The following RANBP2 variants were observed in gnomAD, a reference collection of about 807,000 sequenced individuals.
RANBP2 encodes RAN binding protein 2, also known as E3 SUMO-protein ligase RanBP2.
In RANBP2, 57 loss-of-function variants were observed where a neutral mutation model predicts 303.6. The ratio of observed to expected loss-of-function variants is 0.19; its 90% CI spans 0.15 to 0.23. RANBP2 has a LOEUF of 0.23. RANBP2 is among the 10% of genes least tolerant of loss of function. The probability of loss-of-function intolerance (pLI) is 1.00; values close to 1 mark genes in which losing one functional copy is unlikely to be tolerated. For synonymous variants in RANBP2, 1,167 were observed against 1,301.5 expected, an observed-to-expected ratio of 0.90 and a Z score of 2.23; for missense variants, 3,138 against 3,780.8, an observed-to-expected ratio of 0.83 and a Z score of 4.46.
At chr2:108,873,238 G>T in the RANBP2 span, among the ~76,000 whole-genome samples, 72 of 151,982 alleles carry the variant, frequency 4.7e-4, no homozygotes, top group Non-Finnish European at 4.4e-5. Context: ...TTAATATTAG[G>T]GTAAATAATC....
chr2:109,537,920 C>T, the RANBP2 span, among the ~76,000 whole-genome samples: 7 of 152,196 alleles, frequency 4.6e-5, no homozygotes, highest in African/African-American at 1.7e-4. Context: ...TGCACTCTAG[C>T]TCAGGCAAAA....
the RANBP2 span, among the ~76,000 whole-genome samples, chr2:109,485,916 A>T: frequency 6.6e-6 from 1 of 152,216 alleles, no homozygotes; most frequent in African/African-American, 2.4e-5. Context: ...TCTCCTACAC[A>T]CCTACCAGCA....
chr2:109,338,341 A>T, the RANBP2 span, among the ~76,000 whole-genome samples: 1 of 152,160 alleles, frequency 6.6e-6, no homozygotes, highest in East Asian at 1.9e-4. Context: ...AAGAAGCTTC[A>T]TGGCCACCCT....
the RANBP2 span, among the ~76,000 whole-genome samples, chr2:109,570,881 G>A: frequency 6.6e-6 from 1 of 152,176 alleles, no homozygotes; most frequent in Non-Finnish European, 1.5e-5. Context: ...AAGGATACAA[G>A]TAGGTTATAT....
chr2:109,376,806 T>C, the RANBP2 span, among the ~76,000 whole-genome samples: 1 of 152,218 alleles, frequency 6.6e-6, no homozygotes, highest in East Asian at 1.9e-4. Flanking sequence ...CCAAGGATCC[T>C]TAGAGACAGC....
At chr2:109,380,139 G>C in the RANBP2 span, among the ~76,000 whole-genome samples, 5 of 152,290 alleles carry the variant, frequency 3.3e-5, no homozygotes, top group South Asian at 6.2e-4. Flanking sequence ...CACATACATG[G>C]GTGTTCATTG....
At chr2:108,794,602 G>T in the RANBP2 span, 2 of 1,614,050 alleles carry the variant, frequency 1.2e-6, no homozygotes, top group Non-Finnish European at 1.7e-6. Flanking sequence ...TGATGCAGGT[G>T]ACTCTCCTTT....
chr2:109,010,079 GT>G, the RANBP2 span, among the ~76,000 whole-genome samples: 1 of 151,980 alleles, frequency 6.6e-6, no homozygotes, highest in Non-Finnish European at 1.5e-5. Context: ...GGATACTTCC[GT>G]TAAAAAAAAT....
chr2:109,087,404 C>T, the RANBP2 span, among the ~76,000 whole-genome samples: 74 of 152,282 alleles, frequency 4.9e-4, no homozygotes, highest in South Asian at 1.5e-3. Flanking sequence ...GATGTAGCAA[C>T]GGACGCGCCT....
the RANBP2 span, among the ~76,000 whole-genome samples, chr2:108,941,515 C>G: frequency 1.4e-3 from 220 of 152,298 alleles, no homozygotes; most frequent in African/African-American, 4.9e-3. Flanking sequence ...CCCTTCCTGA[C>G]CAGCTGGCAG....
At chr2:109,638,602 C>A in the RANBP2 span, among the ~76,000 whole-genome samples, 2 of 152,154 alleles carry the variant, frequency 1.3e-5, no homozygotes, top group African/African-American at 2.4e-5. Flanking sequence ...AGCTTTCAAG[C>A]ATGTGTCAAT....
chr2:109,709,236 G>A, the RANBP2 span, among the ~76,000 whole-genome samples: 7 of 151,104 alleles, frequency 4.6e-5, no homozygotes, highest in African/African-American at 7.3e-5. Context: ...AACCCGGAAG[G>A]CAGAGGTTGC....
chr2:108,764,925 A>G lies in RANBP2; in HGVS notation c.4386A>G (p.Gly1462=), dbSNP rs746426840. Residue 1462 remains glycine (G), a synonymous_variant, in exon 20 of 29, where the codon GGA becomes GGG. Coordinates refer to ENST00000283195, the MANE Select transcript of RANBP2 (RefSeq NM_006267.5). ...AAGCTTCATTTAAATTTGGCCAGGGAGATCTTCCTAAACCTATTAACAGTG... is the reference window on the plus strand; with the variant it reads ...AAGCTTCATTTAAATTTGGCCAGGGGGATCTTCCTAAACCTATTAACAGTG... ...VHQASFKFGQ[G]DLPKPINSDF... 5.6e-6 allele frequency: 9 copies of G among 1,614,076 alleles called. No homozygotes were observed. The highest frequency in any genetic ancestry group is 7.6e-6 in the Non-Finnish European group (9 of 1,179,978).
chr2:109,034,221 A>T, the RANBP2 span, among the ~76,000 whole-genome samples: 6 of 143,068 alleles, frequency 4.2e-5, no homozygotes, highest in Non-Finnish European at 9.1e-5. Context: ...GGAGTGAGCC[A>T]AGAGTGTGCC....
the RANBP2 span, among the ~76,000 whole-genome samples, chr2:109,400,590 C>T: frequency 1.3e-5 from 2 of 151,746 alleles, no homozygotes; most frequent in African/African-American, 4.8e-5. Context: ...CACACACACA[C>T]TTGTGAACTT....
the RANBP2 span, among the ~76,000 whole-genome samples, chr2:109,000,162 A>G: frequency 6.6e-6 from 1 of 152,220 alleles, no homozygotes; most frequent in Non-Finnish European, 1.5e-5. Context: ...CAGGGCCATA[A>G]CGGTGTTCCA....
chr2:109,433,613 C>T, the RANBP2 span, among the ~76,000 whole-genome samples: 1 of 152,210 alleles, frequency 6.6e-6, no homozygotes, highest in African/African-American at 2.4e-5. Flanking sequence ...AACCTGTAGA[C>T]CCTGCATTGA....
the RANBP2 span, among the ~76,000 whole-genome samples, chr2:109,577,574 A>G: frequency 6.0e-5 from 9 of 149,640 alleles, no homozygotes; most frequent in East Asian, 1.6e-3. Flanking sequence ...CCTCAGTGAC[A>G]GAGTGAGACT....
At chr2:109,553,452 G>A in the RANBP2 span, among the ~76,000 whole-genome samples, 1 of 151,680 alleles carries the variant, frequency 6.6e-6, no homozygotes, top group African/African-American at 2.4e-5. Flanking sequence ...GCTGAGGTGG[G>A]AGAATCACCT....
Sources: gnomAD v4.1 joint callset for allele counts (sites outside exome capture counted in the v4.1 genomes callset) on GRCh38, gnomAD v4.1.1 for gene constraint, MANE v1.5 for transcripts, NCBI Gene and HGNC (gene_info 2026-07-23, HGNC 2026-07-21) for gene names.